Variants in ARHGEF12 observed in about 807,000 individuals in gnomAD.
The protein encoded by ARHGEF12 is KMT2A/ARHGEF12 fusion protein.
ARHGEF12 carries 66 observed loss-of-function variants against 211.2 expected under a neutral mutation model. The observed-to-expected ratio is 0.31, with a 90% confidence interval of 0.26 to 0.38. ARHGEF12 has a LOEUF of 0.38. Among genes scored for constraint, ARHGEF12 ranks in the 10% least tolerant of loss-of-function variants. The pLI is 1.00. For synonymous variants in ARHGEF12, 592 were observed against 638.4 expected (o/e 0.93, Z 1.09); for missense variants, 1,429 against 1,869.5 (o/e 0.76, Z 4.34).
intron 1 of ARHGEF12, among the ~76,000 whole-genome samples, chr11:120,355,599 TAGG>T (rs1013964238): frequency 1.4e-4 from 22 of 152,240 alleles, no homozygotes; most frequent in Admixed American, 1.0e-3. Flanking sequence ...CCTAGTTACT[TAGG>T]AGGCTGAGGT....
intron 6 of ARHGEF12, among the ~76,000 whole-genome samples, chr11:120,423,696 C>G (rs1945264658): frequency 6.6e-6 from 1 of 152,002 alleles, no homozygotes; most frequent in Non-Finnish European, 1.5e-5. Flanking sequence ...AATTAAATGT[C>G]ATAGCTAACA....
chr11:120,432,985 GA>G (rs1168827826), intron 11 of ARHGEF12, among the ~76,000 whole-genome samples: 1 of 152,062 alleles, frequency 6.6e-6, no homozygotes, highest in East Asian at 1.9e-4. Context: ...GGTTTTAATG[GA>G]AAATTTCAAT....
At chr11:120,354,917 G>T (rs1943089299) in intron 1 of ARHGEF12, among the ~76,000 whole-genome samples, 1 of 152,232 alleles carries the variant, frequency 6.6e-6, no homozygotes, top group Non-Finnish European at 1.5e-5. Context: ...TGAGTTCTGG[G>T]AAGCTGCTTT....
At chr11:120,338,804 C>G (rs963287744) in intron 1 of ARHGEF12, among the ~76,000 whole-genome samples, 1 of 152,126 alleles carries the variant, frequency 6.6e-6, no homozygotes, top group African/African-American at 2.4e-5. Flanking sequence ...TTTATGGAAA[C>G]AGAACGGACT....
chr11:120,447,075 G>A lies in ARHGEF12; in HGVS notation c.1579G>A (p.Glu527Lys). 6.2e-7 allele frequency: 1 copy of A among 1,614,010 alleles called. No homozygotes were observed. Among genetic ancestry groups the A allele is most frequent in the Non-Finnish European group, 8.5e-7 (1 of 1,179,958 alleles). The change falls in exon 18 of 41, where the codon GAA (glutamate) becomes AAA (lysine). Residue 527 changes from glutamate to lysine, a missense_variant. Physicochemically the swap from Glu to Lys is moderately conservative, Grantham distance 56. Around this residue, in one of 7 missense-constraint regions of ARHGEF12, gnomAD observed 373 missense variants for 467.5 expected, o/e 0.80. Transcript: ENST00000397843. ...TGCAGAACAGATTGTTGCCAAAATTGAAGAAGTATTGTAAGTAATAGAAGT... is the reference window on the plus strand; with the variant it reads ...TGCAGAACAGATTGTTGCCAAAATTAAAGAAGTATTGTAAGTAATAGAAGT... ...TCAEQIVAKI[E>K]EVLMTAQAVE...
intron 39 of ARHGEF12, among the ~76,000 whole-genome samples, chr11:120,483,907 C>T (rs1447012515): frequency 1.3e-5 from 2 of 152,216 alleles, no homozygotes; most frequent in African/African-American, 4.8e-5. Context: ...AGCCACCGCG[C>T]CCAGTCCCAG....
chr11:120,477,475 A>C lies in ARHGEF12; in HGVS notation c.3481A>C (p.Lys1161Gln). The change falls in exon 36 of 41, where the codon AAA becomes CAA. Residue 1161 changes from lysine (K) to glutamine (Q), a missense_variant. This residue lies in a region of ARHGEF12 where 467 missense variants were observed against 468.4 expected (regional missense o/e 1.00). Coordinates refer to ENST00000397843, the MANE Select transcript of ARHGEF12 (RefSeq NM_015313.3). ...EGDNDEEDPS[K>Q]LKEEQHGISV... ...AGATAATGATGAAGAAGATCCTTCA[A>C]AATTAAAAGAGGAGCAGCATGGCAT... 1.2e-6 allele frequency: 2 copies of C among 1,612,268 alleles called. No homozygotes were observed. Among genetic ancestry groups the C allele is most frequent in the Non-Finnish European group, 1.7e-6 (2 of 1,179,836 alleles).
intron 22 of ARHGEF12, among the ~76,000 whole-genome samples, chr11:120,456,224 G>C (rs1266475468): frequency 6.6e-6 from 1 of 152,156 alleles, no homozygotes; most frequent in Admixed American, 6.5e-5. Flanking sequence ...AATGATGCAA[G>C]TAAAAATGTA....
intron 1 of ARHGEF12, among the ~76,000 whole-genome samples, chr11:120,351,392 T>A: frequency 8.2e-6 from 1 of 122,442 alleles, no homozygotes; most frequent in Non-Finnish European, 1.7e-5. Flanking sequence ...TCAAGATACT[T>A]GGGATGTAGG....
intron 11 of ARHGEF12, among the ~76,000 whole-genome samples, chr11:120,435,743 C>T (rs1176949151): frequency 6.6e-6 from 1 of 151,892 alleles, no homozygotes; most frequent in Non-Finnish European, 1.5e-5. Context: ...GTCTCGATCT[C>T]CTGACCTCGT....
Position 120,486,669 on chromosome 11 carries a change from T to C in ARHGEF12, c.*1592T>C. 4.5e-6 allele frequency: 1 copy of C among 223,084 alleles called. No homozygotes were observed. Among genetic ancestry groups the C allele is most frequent in the Non-Finnish European group, 9.0e-6 (1 of 111,584 alleles). The allele number at this position is 223,084 out of a possible 1,614,324, so 13.8% of individuals were successfully genotyped here. ...TTTCATTGGTGCCCTCTGAACTCTG[T>C]GGGTTGCTAGGATGTAATTTTAATG... On this transcript the variant is annotated 3_prime_UTR_variant, in exon 41 of 41. Transcript: ENST00000397843.
At chr11:120,459,607 T>C (rs1166041969) in intron 26 of ARHGEF12, among the ~76,000 whole-genome samples, 1 of 152,138 alleles carries the variant, frequency 6.6e-6, no homozygotes, top group Non-Finnish European at 1.5e-5. Flanking sequence ...ATAGTATATA[T>C]ATCTCTTTAA....
chr11:120,482,218 G>A (rs1947265954), intron 39 of ARHGEF12, among the ~76,000 whole-genome samples: 1 of 152,188 alleles, frequency 6.6e-6, no homozygotes, highest in African/African-American at 2.4e-5. Flanking sequence ...TAGGGTTTAT[G>A]TAGTTATGAA....
At position 120,446,083 on chromosome 11, in the gene ARHGEF12, A is replaced by C. The variant is rs1002127979; in HGVS notation, c.1346-320A>C. On this transcript the variant is annotated intron_variant, in intron 16 of 40. Transcript: ENST00000397843. ...CGTGGTGGCGGGCGCCTGTTGTCTC[A>C]GCTACTCAGGAGGCTGAGGCAGGAG... Among the ~76,000 whole-genome samples, 6 of 151,726 alleles carry C rather than the reference A, an allele frequency of 4.0e-5. No homozygotes were observed. In the East Asian group the frequency reaches 1.2e-3, roughly 29 times the overall value.
chr11:120,414,806 G>A (rs1944983260), intron 4 of ARHGEF12, among the ~76,000 whole-genome samples: 1 of 152,202 alleles, frequency 6.6e-6, no homozygotes, highest in South Asian at 2.1e-4. Context: ...TGCCCAGGCT[G>A]TGCTCAAACT....
At chr11:120,443,021 CTTTTTTTT>C (rs371200953) in intron 15 of ARHGEF12, among the ~76,000 whole-genome samples, 1 of 133,700 alleles carries the variant, frequency 7.5e-6, no homozygotes, top group Non-Finnish European at 1.6e-5. Flanking sequence ...GAGTGACTGT[CTTTTTTTT>C]TTTTTTTTTT....
intron 11 of ARHGEF12, among the ~76,000 whole-genome samples, chr11:120,435,662 C>G (rs779727032): frequency 1.3e-5 from 2 of 151,790 alleles, no homozygotes; most frequent in African/African-American, 2.4e-5. Context: ...CTACAGGTGT[C>G]TGCTACCATG....
chr11:120,435,314 C>A (rs966183492), intron 11 of ARHGEF12, among the ~76,000 whole-genome samples: 1 of 151,738 alleles, frequency 6.6e-6, no homozygotes, highest in Admixed American at 6.6e-5. Flanking sequence ...TCTAAATTTT[C>A]TTAAAACTCC....
chr11:120,366,943 G>C (rs1004927801), intron 1 of ARHGEF12, among the ~76,000 whole-genome samples: 3 of 152,130 alleles, frequency 2.0e-5, no homozygotes, highest in African/African-American at 4.8e-5. Context: ...TTGAACCTGA[G>C]AGGCGGAGGT....
Sources: allele counts gnomAD v4.1 joint callset (sites outside exome capture counted in the v4.1 genomes callset), GRCh38; gene constraint gnomAD v4.1.1; regional missense constraint gnomAD v4.1.1; transcripts MANE v1.5; gene names NCBI Gene and HGNC (gene_info 2026-07-23, HGNC 2026-07-21).